Variants in PLPBP observed in about 807,000 individuals in gnomAD.
The protein encoded by PLPBP is pyridoxal phosphate binding protein, also known as pyridoxal phosphate homeostasis protein.
In PLPBP, 21 loss-of-function variants were observed where a neutral mutation model predicts 31.2. The ratio of observed to expected loss-of-function variants is 0.67; its 90% CI spans 0.48 to 0.97. The LOEUF (loss-of-function observed/expected upper bound fraction) is 0.97, where lower values mean the gene tolerates loss of function less well. Ranked by LOEUF, PLPBP falls within the 50% of genes least tolerant of loss-of-function variation. The probability of loss-of-function intolerance (pLI) is 0.00; values close to 1 mark genes in which losing one functional copy is unlikely to be tolerated. For synonymous variants in PLPBP, 124 were observed against 135.6 expected, an observed-to-expected ratio of 0.91 and a Z score of 0.59; for missense variants, 308 against 354.4, an observed-to-expected ratio of 0.87 and a Z score of 1.05.
intron 1 of PLPBP, among the ~76,000 whole-genome samples, 163 bp downstream of exon 1, chr8:37,762,921 C>G (rs1803518556): frequency 6.6e-6 from 1 of 152,170 alleles, no homozygotes; most frequent in Non-Finnish European, 1.5e-5. Context: ...TCCCCAGCCT[C>G]CTTACCTTGA....
intron 1 of PLPBP, 120 bp downstream of exon 1, chr8:37,762,878 C>T (rs1803516855): frequency 6.3e-6 from 8 of 1,267,626 alleles, no homozygotes; most frequent in South Asian, 1.5e-5. Context: ...ACTGGTCGGC[C>T]GCCTAGGGCC....
chr8:37,766,158 T>C (rs781197745), intron 3 of PLPBP, 122 bp from the exon 4 acceptor site: 11 of 732,164 alleles, frequency 1.5e-5, no homozygotes, highest in Non-Finnish European at 2.5e-5. Context: ...AAGATTGTGA[T>C]AGTTTATTAC....
chr8:37,774,025 A>G (rs1045701725), intron 5 of PLPBP, among the ~76,000 whole-genome samples: 1 of 151,994 alleles, frequency 6.6e-6, no homozygotes, highest in African/African-American at 2.4e-5. Context: ...AGCCTAGCCA[A>G]CATGATGAAA....
Position 37,778,381 on chromosome 8 carries a change from A to C in PLPBP, c.*277A>C, listed in dbSNP as rs745602102. ...ATATTGAATTCTGCCCAGGAGCATGAACTGATCCATGAATGCCTTTTCCAG... is the reference window on the plus strand; with the variant it reads ...ATATTGAATTCTGCCCAGGAGCATGCACTGATCCATGAATGCCTTTTCCAG... On this transcript the variant is annotated 3_prime_UTR_variant, in exon 8 of 8. Transcript: ENST00000328195. 13 of 208,332 alleles carry C rather than the reference A, an allele frequency of 6.2e-5. No homozygotes were observed. Among genetic ancestry groups the C allele is most frequent in the Non-Finnish European group, 1.2e-4 (12 of 103,650 alleles). 12.9% of individuals were successfully genotyped at this position (208,332 alleles called of 1,614,324 possible).
At chr8:37,773,089 A>C (rs1803816743) in intron 5 of PLPBP, among the ~76,000 whole-genome samples, 200 bp downstream of exon 5, 4 of 152,078 alleles carry the variant, frequency 2.6e-5, no homozygotes, top group Admixed American at 1.3e-4. Flanking sequence ...TCTTTACTAC[A>C]TCATGGTTCA....
At chr8:37,766,995 CA>C (rs1803647233) in intron 4 of PLPBP, among the ~76,000 whole-genome samples, 1 of 125,768 alleles carries the variant, frequency 8.0e-6, no homozygotes, top group Non-Finnish European at 1.6e-5. Context: ...TGCAGTGATC[CA>C]AGATCACGCC....
At chr8:37,762,926 C>T (rs909601513) in intron 1 of PLPBP, among the ~76,000 whole-genome samples, 168 bp downstream of exon 1, 2 of 152,182 alleles carry the variant, frequency 1.3e-5, no homozygotes, top group African/African-American at 2.4e-5. Context: ...AGCCTCCTTA[C>T]CTTGAGTCTG....
intron 7 of PLPBP, among the ~76,000 whole-genome samples, chr8:37,777,605 C>T (rs1456649835): frequency 6.6e-6 from 1 of 152,076 alleles, no homozygotes; most frequent in African/African-American, 2.4e-5. Flanking sequence ...TGGAGTTTCG[C>T]TCTTGTTGCC....
Position 37,763,453 on chromosome 8 carries a change from C to T in PLPBP, c.99+695C>T, listed in dbSNP as rs372553881. On this transcript the variant is annotated intron_variant, in intron 1 of 7. Transcript: ENST00000328195. ...CAGAGAGGTCACAGGTTTCTCTGAT[C>T]GAGCATTTATGCTGGCTGAAGACAA... is the stretch of plus-strand genomic sequence containing the variant. Among the ~76,000 whole-genome samples the T allele has an allele frequency of 7.9e-5, 12 of 152,294 alleles. No homozygotes were observed. The South Asian group carries it at 2.5e-3, about 32-fold the overall frequency.
At chr8:37,777,862 C>A (rs969303121) in intron 7 of PLPBP, 111 bp from the exon 8 acceptor site, 6 of 1,284,116 alleles carry the variant, frequency 4.7e-6, no homozygotes, top group African/African-American at 1.5e-5. Context: ...TGAGCCACCA[C>A]GCCCCGTCCA....
rs754650303 is a variant in PLPBP at position 37,778,155 on chromosome 8, C to T, written c.*51C>T. On this transcript the variant is annotated 3_prime_UTR_variant, in exon 8 of 8. Coordinates refer to ENST00000328195, the MANE Select transcript of PLPBP (RefSeq NM_007198.4). ...TATGCACTAACCTAGATTTTCATTT[C>T]GATATTCCCTGTGTCCCAGCGCAGT... 5.0e-6 allele frequency: 8 copies of T among 1,592,210 alleles called. No individual in the cohort carries two copies. The highest frequency in any genetic ancestry group is 1.8e-4 in the Middle Eastern group (1 of 5,492).
chr8:37,767,793 T>C (rs1289629027), intron 4 of PLPBP, among the ~76,000 whole-genome samples: 3 of 151,234 alleles, frequency 2.0e-5, no homozygotes, highest in Non-Finnish European at 4.4e-5. Context: ...CTTGATCTTT[T>C]ATTTACTTTT....
intron 4 of PLPBP, among the ~76,000 whole-genome samples, chr8:37,772,336 C>T (rs548918755): frequency 6.6e-6 from 1 of 152,320 alleles, no homozygotes; most frequent in Admixed American, 6.5e-5. Context: ...AGAATACCCT[C>T]ATCCCAGAAA....
rs1803509261 is a variant in PLPBP at position 37,762,679 on chromosome 8, T to C, written c.20T>C (p.Met7Thr). Reference sequence around the variant, plus strand: ...CGGGGGATGTGGAGAGCTGGCAGCATGTCGGCCGAGCTGGGAGTCGGGTGC... The same window carrying C: ...CGGGGGATGTGGAGAGCTGGCAGCACGTCGGCCGAGCTGGGAGTCGGGTGC... MWRAGSMSAELGVGCAL... is the reference protein window; with the variant it reads MWRAGSTSAELGVGCAL... Residue 7 changes from methionine to threonine, a missense_variant, in exon 1 of 8, where the codon ATG (methionine) becomes ACG (threonine). Met to Thr is a moderately conservative substitution (Grantham distance 81). Around this residue, in one of 2 missense-constraint regions of PLPBP, gnomAD observed 120 missense variants for 95.1 expected, o/e 1.26. Transcript: ENST00000328195. The C allele has an allele frequency of 6.3e-7, 1 of 1,588,062 alleles. No individual in the cohort carries two copies. Among genetic ancestry groups the C allele is most frequent in the Non-Finnish European group, 8.5e-7 (1 of 1,170,882 alleles).
intron 4 of PLPBP, among the ~76,000 whole-genome samples, chr8:37,770,750 T>C (rs901883566): frequency 2.0e-5 from 3 of 151,234 alleles, no homozygotes; most frequent in African/African-American, 7.2e-5. Context: ...CTAATTTTTG[T>C]ATTTTTGGTA....
chr8:37,766,551 G>T, intron 4 of PLPBP, 196 bp downstream of exon 4: 1 of 1,214,548 alleles, frequency 8.2e-7, no homozygotes, highest in Non-Finnish European at 1.0e-6. Flanking sequence ...CATTTTCTGG[G>T]TTATATATAC....
chr8:37,775,506 T>G (rs771841314), intron 6 of PLPBP, 25 bp downstream of exon 6: 9 of 1,612,776 alleles, frequency 5.6e-6, no homozygotes, highest in Non-Finnish European at 7.6e-6. Context: ...GGGAGATTGC[T>G]CGTGTGCTAA....
chr8:37,770,766 G>A (rs1478097741), intron 4 of PLPBP, among the ~76,000 whole-genome samples: 1 of 151,152 alleles, frequency 6.6e-6, no homozygotes, highest in Non-Finnish European at 1.5e-5. Flanking sequence ...TGGTAAAGAC[G>A]GGGTTTCACC....
At chr8:37,763,812 A>C (rs1361391049) in intron 1 of PLPBP, among the ~76,000 whole-genome samples, 2 of 152,150 alleles carry the variant, frequency 1.3e-5, no homozygotes, top group African/African-American at 2.4e-5. Flanking sequence ...ACATTTTTCT[A>C]ATTGATCTGA....
Sources: allele counts gnomAD v4.1 joint callset (sites outside exome capture counted in the v4.1 genomes callset), GRCh38; gene constraint gnomAD v4.1.1; regional missense constraint gnomAD v4.1.1; transcripts MANE v1.5; gene names NCBI Gene and HGNC (gene_info 2026-07-23, HGNC 2026-07-21).